The following NF2 variants were observed in gnomAD, a reference collection of about 807,000 sequenced individuals.
NF2 encodes merlin.
Under a neutral mutation model 83.7 loss-of-function variants are expected in NF2, and 8 were observed. The observed-to-expected ratio is 0.10, with a 90% confidence interval of 0.06 to 0.17. NF2 has a LOEUF of 0.17. Among genes scored for constraint, NF2 ranks in the 10% least tolerant of loss-of-function variants. The probability of loss-of-function intolerance (pLI) is 1.00; values close to 1 mark genes in which losing one functional copy is unlikely to be tolerated. For missense variants in NF2, 533 were observed against 744.4 expected (o/e 0.72, Z 3.31); for synonymous variants, 266 against 269.6 (o/e 0.99, Z 0.13).
chr22:29,681,992 G>A (rs1393992207), intron 15 of NF2, among the ~76,000 whole-genome samples: 5 of 152,148 alleles, frequency 3.3e-5, no homozygotes, highest in Admixed American at 3.3e-4. Context: ...GTCTTGTGGT[G>A]TCTTTAAGTG....
chr22:29,652,549 G>T (rs1308704558), intron 4 of NF2, among the ~76,000 whole-genome samples: 1 of 152,096 alleles, frequency 6.6e-6, no homozygotes, highest in Non-Finnish European at 1.5e-5. Context: ...TGATCTGCCC[G>T]CCTAGGCCTC....
chr22:29,629,737 T>C (rs1034087063), intron 1 of NF2, among the ~76,000 whole-genome samples: 3 of 152,262 alleles, frequency 2.0e-5, no homozygotes, highest in Non-Finnish European at 4.4e-5. Context: ...ATGCTGAGTT[T>C]GTCGATTCTC....
chr22:29,626,276 C>G (rs1009588505), intron 1 of NF2, among the ~76,000 whole-genome samples: 3 of 151,614 alleles, frequency 2.0e-5, no homozygotes. Flanking sequence ...GCCTCAGCCT[C>G]CCGAGTAGCT....
At chr22:29,650,401 A>G (rs1045336870) in intron 4 of NF2, among the ~76,000 whole-genome samples, 15 of 152,124 alleles carry the variant, frequency 9.9e-5, no homozygotes, top group African/African-American at 3.6e-4. Context: ...TAAAATTTGC[A>G]TTTCCTTGAT....
At position 29,642,274 on chromosome 22, in the gene NF2, G is replaced by A. The variant is rs771572024; in HGVS notation, c.436G>A (p.Val146Ile). Residue 146 changes from valine to isoleucine, a missense_variant, in exon 4 of 16, where the codon GTC (valine) becomes ATC (isoleucine). By Grantham distance (29) the Val-to-Ile change is conservative. This residue lies in a region of NF2 where 326 missense variants were observed against 475.1 expected (regional missense o/e 0.69). Coordinates refer to ENST00000338641, the MANE Select transcript of NF2 (RefSeq NM_000268.4). Reference sequence around the variant, plus strand: ...TTCTGTGCTCCTGGCTTCTTACGCCGTCCAGGCCAAGGTAGGCTCAAAGAA... The same window carrying A: ...TTCTGTGCTCCTGGCTTCTTACGCCATCCAGGCCAAGGTAGGCTCAAAGAA... ...EASVLLASYA[V>I]QAKYGDYDPS... The A allele has an allele frequency of 1.2e-5, 20 of 1,613,870 alleles. No homozygotes were observed. Among genetic ancestry groups the A allele is most frequent in the South Asian group, 1.1e-5 (1 of 91,086 alleles).
intron 15 of NF2, among the ~76,000 whole-genome samples, chr22:29,691,169 C>T (rs764975380): frequency 5.3e-5 from 8 of 152,156 alleles, no homozygotes; most frequent in Admixed American, 2.6e-4. Context: ...ATTGTGCATG[C>T]GAGGAATTCC....
At chr22:29,658,150 A>C (rs1251873100) in intron 6 of NF2, 39 bp from the exon 7 acceptor site, 1 of 1,595,472 alleles carries the variant, frequency 6.3e-7, no homozygotes, top group Non-Finnish European at 8.6e-7. Flanking sequence ...CACCCATCTC[A>C]CTTAGCTCCA....
At chr22:29,671,525 T>C (rs567171238) in intron 10 of NF2, among the ~76,000 whole-genome samples, 1 of 151,996 alleles carries the variant, frequency 6.6e-6, no homozygotes, top group African/African-American at 2.4e-5. Flanking sequence ...CAAAACTCTG[T>C]CCCCTCCACC....
chr22:29,681,542 A>T lies in NF2; in HGVS notation c.1678A>T (p.Ile560Phe), dbSNP rs557347747. Residue 560 changes from isoleucine to phenylalanine, a missense_variant, in exon 15 of 16, where the codon ATT (isoleucine) becomes TTT (phenylalanine). Coordinates refer to ENST00000338641, the MANE Select transcript of NF2 (RefSeq NM_000268.4). ...GAAAGAGAGGGAGACAGCTCTGGATATTCTGCACAATGAGAACTCCGACAG... is the reference window on the plus strand; with the variant it reads ...GAAAGAGAGGGAGACAGCTCTGGATTTTCTGCACAATGAGAACTCCGACAG... ...KLKERETALD[I>F]LHNENSDRGG... 6.2e-7 allele frequency: 1 copy of T among 1,614,244 alleles called. No individual in the cohort carries two copies. The highest frequency in any genetic ancestry group is 8.5e-7 in the Non-Finnish European group (1 of 1,180,046).
intron 1 of NF2, among the ~76,000 whole-genome samples, chr22:29,611,747 C>G (rs2146706094): frequency 6.6e-6 from 1 of 152,238 alleles, no homozygotes; most frequent in East Asian, 1.9e-4. Flanking sequence ...GAGGAATCCA[C>G]TACCAAAGTA....
chr22:29,631,996 T>C (rs1469984639), intron 1 of NF2, among the ~76,000 whole-genome samples: 1 of 152,230 alleles, frequency 6.6e-6, no homozygotes, highest in African/African-American at 2.4e-5. Flanking sequence ...GGTAACAATT[T>C]AACTTCTCTC....
intron 1 of NF2, among the ~76,000 whole-genome samples, chr22:29,625,890 T>A (rs2065354441): frequency 6.6e-6 from 1 of 152,216 alleles, no homozygotes; most frequent in Non-Finnish European, 1.5e-5. Flanking sequence ...AAACTTTCTC[T>A]TAGTGAGTTA....
At chr22:29,629,292 C>T (rs556771840) in intron 1 of NF2, among the ~76,000 whole-genome samples, 8 of 152,176 alleles carry the variant, frequency 5.3e-5, no homozygotes, top group Non-Finnish European at 8.8e-5. Flanking sequence ...TTATCTTCTT[C>T]GCTTAATCAA....
intron 1 of NF2, among the ~76,000 whole-genome samples, chr22:29,626,592 T>C (rs1170582792): frequency 1.3e-5 from 2 of 152,226 alleles, no homozygotes; most frequent in Non-Finnish European, 2.9e-5. Flanking sequence ...AAAATTTCTT[T>C]CCAGGCAAAC....
intron 2 of NF2, among the ~76,000 whole-genome samples, chr22:29,637,642 G>T (rs555175832): frequency 6.6e-6 from 1 of 151,600 alleles, no homozygotes; most frequent in Non-Finnish European, 1.5e-5. Context: ...CCCAAATGAT[G>T]CCCCCTCCAG....
chr22:29,654,544 C>G (rs564982145), intron 4 of NF2, 113 bp from the exon 5 acceptor site: 3 of 856,428 alleles, frequency 3.5e-6, no homozygotes, highest in East Asian at 2.4e-5. Context: ...GACTTGTCAT[C>G]GGAATTGAAT....
intron 4 of NF2, among the ~76,000 whole-genome samples, chr22:29,644,330 G>A (rs1272074317): frequency 6.0e-5 from 9 of 149,338 alleles, no homozygotes; most frequent in South Asian, 2.1e-4. Flanking sequence ...ATGGGCGGCC[G>A]GGCAGAGACG....
At chr22:29,675,853 C>T (rs1031771774) in intron 13 of NF2, among the ~76,000 whole-genome samples, 7 of 152,200 alleles carry the variant, frequency 4.6e-5, no homozygotes, top group Non-Finnish European at 8.8e-5. Context: ...GCACATGGCA[C>T]AGGCACATAC....
chr22:29,622,646 A>ATTTTTTT lies in NF2; in HGVS notation c.115-14084_115-14078dup, dbSNP rs35744962. ...ACAGTTCAGTTTTGGAAGACCCTGT[A>ATTTTTTT]TTTTTTTTTTTTTTTTTTTTTTTTT... is the stretch of plus-strand genomic sequence containing the variant. On this transcript the variant is annotated intron_variant, in intron 1 of 15. Transcript: ENST00000338641. Among the ~76,000 whole-genome samples the ATTTTTTT allele has an allele frequency of 1.4e-3, 88 of 63,280 alleles. 3 individuals carry two copies. The highest frequency in any genetic ancestry group is 1.7e-3 in the Non-Finnish European group (58 of 33,884). 41.5% of individuals were successfully genotyped at this position (63,280 alleles called of 152,430 possible).
Sources: gnomAD v4.1 joint callset for allele counts (sites outside exome capture counted in the v4.1 genomes callset) on GRCh38, gnomAD v4.1.1 for gene constraint, gnomAD v4.1.1 regional missense constraint, MANE v1.5 for transcripts, NCBI Gene and HGNC (gene_info 2026-07-23, HGNC 2026-07-21) for gene names.